The following DELE1 variants were observed in gnomAD, a reference collection of about 807,000 sequenced individuals.
The protein encoded by DELE1 is DAP3 binding cell death enhancer 1.
In DELE1, 54 loss-of-function variants were observed where a neutral mutation model predicts 59.3. The ratio of observed to expected loss-of-function variants is 0.91; its 90% confidence interval spans 0.73 to 1.14. The LOEUF is 1.14. Among genes scored for constraint, DELE1 ranks in the 50% most tolerant of loss-of-function variants. The pLI, the probability that DELE1 is intolerant of heterozygous loss-of-function variation, is 0.00. For missense variants in DELE1, 636 were observed against 643.9 expected (o/e 0.99, Z 0.13); for synonymous variants, 264 against 259.1 (o/e 1.02, Z -0.18).
chr5:141,940,708 T>C lies in DELE1; in HGVS notation c.*1949T>C, dbSNP rs1246429048. On this transcript the variant is annotated 3_prime_UTR_variant, in exon 12 of 12. Coordinates refer to ENST00000432126, the MANE Select transcript of DELE1 (RefSeq NM_014773.5). Reference sequence around the variant, plus strand: ...GCTCACCACTGTTGGACCCTGCACATGGCCACCTTCCACAGATGGCACTCC... The same window carrying C: ...GCTCACCACTGTTGGACCCTGCACACGGCCACCTTCCACAGATGGCACTCC... 10 of 975,204 alleles carry C rather than the reference T, an allele frequency of 1.0e-5. No individual in the cohort carries two copies. The highest frequency in any genetic ancestry group is 1.2e-5 in the Non-Finnish European group (10 of 820,688). The allele number at this position is 975,204 out of a possible 1,614,324, so 60.4% of individuals were successfully genotyped here.
Position 141,929,574 on chromosome 5 carries a change from CT to C in DELE1, c.413-5del. On this transcript the variant is annotated splice_region_variant and splice_polypyrimidine_tract_variant and intron_variant, in intron 4 of 11. Transcript: ENST00000432126. ...CCAGACCTGACTACTCTTGCTGGCT[CT>C]TTCCAGCACTGCGACAACACATCCT... 6.2e-7 allele frequency: 1 copy of C among 1,612,644 alleles called. No individual in the cohort carries two copies. Among genetic ancestry groups the C allele is most frequent in the South Asian group, 1.1e-5 (1 of 91,004 alleles).
In DELE1 at chr5:141,941,313, C is replaced by CA; in HGVS notation, c.*2557dup. ...TAAGTACTGATTCAATTTGGGGTGC[C>CA]AAAGGTTGGGGGTAGGATATTTTTA... On this transcript the variant is annotated 3_prime_UTR_variant, in exon 12 of 12. Transcript: ENST00000432126. 1.0e-6 allele frequency: 1 copy of CA among 985,480 alleles called. No homozygotes were observed. 61.0% of individuals were successfully genotyped at this position (985,480 alleles called of 1,614,324 possible). A position where few individuals can be genotyped will look rare whatever the true frequency, so the allele number is the denominator to read the frequency against.
At chr5:141,924,048 C>G (rs1751155796) in intron 1 of DELE1, 76 bp downstream of exon 1, 1 of 1,553,134 alleles carries the variant, frequency 6.4e-7, no homozygotes, top group Non-Finnish European at 8.8e-7. Flanking sequence ...CCCGAGGAAA[C>G]AGCCGAAGCG....
Position 141,937,197 on chromosome 5 carries a change from G to A in DELE1, c.1150-1G>A. ...TGTTTGTCTGTCCATTTTCTCCTTAGGACTCACAGAGCAGGTACCACCTTG... is the reference window on the plus strand; with the variant it reads ...TGTTTGTCTGTCCATTTTCTCCTTAAGACTCACAGAGCAGGTACCACCTTG... On this transcript the variant is annotated splice_acceptor_variant, in intron 10 of 11. Transcript: ENST00000432126. LOFTEE classifies it high-confidence loss of function. The A allele has an allele frequency of 6.2e-7, 1 of 1,614,114 alleles. No individual in the cohort carries two copies. The highest frequency in any genetic ancestry group is 8.5e-7 in the Non-Finnish European group (1 of 1,180,002).
chr5:141,929,588 G>C lies in DELE1; in HGVS notation c.419G>C (p.Arg140Pro), dbSNP rs776651281. Reference sequence around the variant, plus strand: ...TCTTGCTGGCTCTTTCCAGCACTGCGACAACACATCCTCCCCAGCCCCGAT... The same window carrying C: ...TCTTGCTGGCTCTTTCCAGCACTGCCACAACACATCCTCCCCAGCCCCGAT... ...SPLWHPCSSL[R>P]QHILPSPDGP... The change falls in exon 5 of 12, where the codon CGA (arginine) becomes CCA (proline). Residue 140 changes from arginine to proline, a missense_variant. Coordinates refer to ENST00000432126, the MANE Select transcript of DELE1 (RefSeq NM_014773.5). 17 of 1,613,486 alleles carry C rather than the reference G, an allele frequency of 1.1e-5. No individual in the cohort carries two copies. The highest frequency in any genetic ancestry group is 1.3e-5 in the Non-Finnish European group (15 of 1,179,960).
rs145284153 is a variant in DELE1, at chr5:141,925,490, G to T, written c.227G>T (p.Arg76Leu). 2 of 1,603,316 alleles carry T rather than the reference G, an allele frequency of 1.2e-6. No homozygotes were observed. The highest frequency in any genetic ancestry group is 2.7e-5 in the African/African-American group (2 of 74,206). ...WKDAFQWMSS[R>L]VSPNTLWDAI... The stretch of plus-strand genomic sequence containing the variant: ...GATGCCTTCCAATGGATGTCTTCCC[G>T]TGTCTCCCCGAACACCCTATGGGAT... Residue 76 changes from arginine to leucine, a missense_variant, in exon 3 of 12, where the codon CGT (arginine) becomes CTT (leucine). Transcript: ENST00000432126.
intron 2 of DELE1, 139 bp from the exon 3 acceptor site, chr5:141,925,271 C>T: frequency 2.1e-6 from 1 of 480,500 alleles, no homozygotes; most frequent in Non-Finnish European, 3.8e-6. Context: ...CCATCTTGAC[C>T]AGGCTGGTCT....
rs1209105200 is a variant in DELE1, at chr5:141,933,114, AT to A, written c.755-144del. On this transcript the variant is annotated intron_variant, in intron 7 of 11. Coordinates refer to ENST00000432126, the MANE Select transcript of DELE1 (RefSeq NM_014773.5). ...CATCTCAAAAAAAAAAAAAAAAAAT[AT>A]ATATATATATATATATATATGTAAA... 7.9e-3 allele frequency: 1,047 copies of A among 132,382 alleles called. 4 individuals carry two copies. Among genetic ancestry groups the A allele is most frequent in the South Asian group, 0.032 (125 of 3,864 alleles). The allele number at this position is 132,382 out of a possible 1,614,324, so 8.2% of individuals were successfully genotyped here. A position where few individuals can be genotyped will look rare whatever the true frequency, so the allele number is the denominator to read the frequency against.
intron 7 of DELE1, among the ~76,000 whole-genome samples, chr5:141,933,014 G>A (rs1752035216): frequency 6.7e-6 from 1 of 149,112 alleles, no homozygotes; most frequent in African/African-American, 2.5e-5. Context: ...AGAATCGTTT[G>A]AACTCAGGAG....
rs78224595 is a variant in DELE1, at chr5:141,940,069, G to A, written c.*1310G>A. 3.0e-6 allele frequency: 3 copies of A among 985,398 alleles called. No individual in the cohort carries two copies. In the East Asian group the frequency reaches 3.4e-4, roughly 112 times the overall value. 61.0% of individuals were successfully genotyped at this position (985,398 alleles called of 1,614,324 possible). On this transcript the variant is annotated 3_prime_UTR_variant, in exon 12 of 12. Coordinates refer to ENST00000432126, the MANE Select transcript of DELE1 (RefSeq NM_014773.5). ...GAATGCTAGGAGTCTTAAAGCTGGA[G>A]AGTATAGATTTTGAGGTCCCCATTT...
chr5:141,935,509 T>G (rs1752281335), intron 10 of DELE1, among the ~76,000 whole-genome samples: 1 of 152,220 alleles, frequency 6.6e-6, no homozygotes, highest in Admixed American at 6.5e-5. Context: ...GACTGCTGCT[T>G]CCTTTGTTTT....
In DELE1 at chr5:141,933,279, G is replaced by T; in HGVS notation, c.775G>T (p.Gly259Cys). The change falls in exon 8 of 12, where the codon GGC (glycine) becomes TGC (cysteine). Residue 259 changes from glycine (G) to cysteine (C), a missense_variant. Transcript: ENST00000432126. Reference protein sequence around the residue: ...NFLGTENMKSGDHTAAFSYFQ... With the variant: ...NFLGTENMKSCDHTAAFSYFQ... Reference sequence around the variant, plus strand: ...TACAGGAACAGAGAACATGAAGAGTGGCGACCACACGGCAGCCTTTTCTTA... The same window carrying T: ...TACAGGAACAGAGAACATGAAGAGTTGCGACCACACGGCAGCCTTTTCTTA... 1 of 1,558,318 alleles carries T rather than the reference G, an allele frequency of 6.4e-7. No homozygotes were observed. The highest frequency in any genetic ancestry group is 8.8e-7 in the Non-Finnish European group (1 of 1,140,014).
chr5:141,941,550 C>T lies in DELE1; in HGVS notation c.*2791C>T, dbSNP rs973788969. ...GTTATTAATGACTCATCATCAGTGC[C>T]CCAGAGGAAGTGTGAGAGGACGAGA... On this transcript the variant is annotated 3_prime_UTR_variant, in exon 12 of 12. Coordinates refer to ENST00000432126, the MANE Select transcript of DELE1 (RefSeq NM_014773.5). 40 of 985,322 alleles carry T rather than the reference C, an allele frequency of 4.1e-5. No individual in the cohort carries two copies. The highest frequency in any genetic ancestry group is 4.7e-5 in the Non-Finnish European group (39 of 829,956). 61.0% of individuals were successfully genotyped at this position (985,322 alleles called of 1,614,324 possible).
chr5:141,924,081 A>T (rs778637400), intron 1 of DELE1, 109 bp downstream of exon 1: 2 of 1,419,448 alleles, frequency 1.4e-6, no homozygotes, highest in Admixed American at 2.0e-5. Flanking sequence ...GTTAGAGCCA[A>T]GGAAGGCGGG....
At chr5:141,926,885 C>T (rs1596591355) in intron 3 of DELE1, among the ~76,000 whole-genome samples, 3 of 152,376 alleles carry the variant, frequency 2.0e-5, no homozygotes, top group Middle Eastern at 6.8e-3. Flanking sequence ...CACTACTGCT[C>T]ATATGAAAGG....
rs1742662680 is a variant in DELE1 at position 141,928,315 on chromosome 5, G to A, written c.412+17G>A. The A allele has an allele frequency of 1.2e-6, 2 of 1,610,416 alleles. No individual in the cohort carries two copies. The highest frequency in any genetic ancestry group is 1.7e-6 in the Non-Finnish European group (2 of 1,177,838). On this transcript the variant is annotated intron_variant, in intron 4 of 11. Coordinates refer to ENST00000432126, the MANE Select transcript of DELE1 (RefSeq NM_014773.5). ...CATGCTCCTGTGAGTTCTCAGTCCT[G>A]GGGACAGGAGGGCTGGGCTGGGCGT...
chr5:141,925,250 A>T (rs745535616), intron 2 of DELE1, among the ~76,000 whole-genome samples, 160 bp from the exon 3 acceptor site: 1 of 151,964 alleles, frequency 6.6e-6, no homozygotes, highest in Non-Finnish European at 1.5e-5. Flanking sequence ...TTTAGTAGAG[A>T]TGGGGTTTCA....
chr5:141,938,649 C>T lies in DELE1; in HGVS notation c.1438C>T (p.Leu480Phe), dbSNP rs143811019. 337 of 1,614,156 alleles carry T rather than the reference C, an allele frequency of 2.1e-4. No homozygotes were observed. Among genetic ancestry groups the T allele is most frequent in the Non-Finnish European group, 2.7e-4 (314 of 1,180,032 alleles). Residue 480 changes from leucine (L) to phenylalanine (F), a missense_variant, in exon 12 of 12, where the codon CTC (leucine) becomes TTC (phenylalanine). Physicochemically the swap from Leu to Phe is conservative, Grantham distance 22. Coordinates refer to ENST00000432126, the MANE Select transcript of DELE1 (RefSeq NM_014773.5). ...TGCCTCGAGCACAGGCAACCTTGGC[C>T]TCCTCTGCAGAAGTGGGCATCTCGG... is the stretch of plus-strand genomic sequence containing the variant. ...PHASSTGNLG[L>F]LCRSGHLGAS...
intron 8 of DELE1, 106 bp downstream of exon 8, chr5:141,933,507 C>T (rs1344563384): frequency 3.5e-6 from 3 of 862,656 alleles, no homozygotes; most frequent in Admixed American, 6.6e-5. Flanking sequence ...CTTTTCTCCA[C>T]TTGGTTCTAG....
Sources: allele counts gnomAD v4.1 joint callset (sites outside exome capture counted in the v4.1 genomes callset), GRCh38; gene constraint gnomAD v4.1.1; transcripts MANE v1.5; gene names NCBI Gene and HGNC (gene_info 2026-07-23, HGNC 2026-07-21).